FAM222B: variants seen among roughly 807,000 people sequenced by gnomAD.
The protein encoded by FAM222B is family with sequence similarity 222 member B, also known as protein FAM222B.
FAM222B carries 12 observed loss-of-function variants against 38.0 expected under a neutral mutation model. The ratio of observed to expected loss-of-function variants is 0.32; its 90% confidence interval spans 0.20 to 0.51. The LOEUF is 0.51. Ranked by LOEUF, FAM222B falls within the 20% of genes least tolerant of loss-of-function variation. FAM222B has a pLI of 0.97. For missense variants in FAM222B, 716 were observed against 754.2 expected (o/e 0.95, Z 0.59); for synonymous variants, 329 against 317.2 (o/e 1.04, Z -0.40).
intron 1 of FAM222B, among the ~76,000 whole-genome samples, chr17:28,782,090 T>G (rs954984887): frequency 1.3e-5 from 2 of 152,078 alleles, no homozygotes; most frequent in African/African-American, 4.8e-5. Flanking sequence ...CTTGGGAGCC[T>G]GAGATGGTAG....
chr17:28,842,402 G>T (rs1468250051), intron 1 of FAM222B, among the ~76,000 whole-genome samples: 1 of 152,026 alleles, frequency 6.6e-6, no homozygotes, highest in East Asian at 1.9e-4. Flanking sequence ...TGAAAGAAGC[G>T]GAAAGGAGAG....
chr17:28,840,320 T>G (rs1312305020), intron 1 of FAM222B, among the ~76,000 whole-genome samples: 1 of 151,946 alleles, frequency 6.6e-6, no homozygotes. Flanking sequence ...GAGCCGAGAT[T>G]GCGCTACTGC....
intron 1 of FAM222B, among the ~76,000 whole-genome samples, chr17:28,791,383 G>GTATC (rs1447674090): frequency 6.6e-6 from 1 of 151,984 alleles, no homozygotes; most frequent in Non-Finnish European, 1.5e-5. Flanking sequence ...TAGGTTTCCT[G>GTATC]TATCTTTCTG....
At chr17:28,775,893 C>A (rs980517957) in intron 1 of FAM222B, among the ~76,000 whole-genome samples, 10 of 143,082 alleles carry the variant, frequency 7.0e-5, no homozygotes, top group Non-Finnish European at 1.1e-4. Flanking sequence ...AAAAAAAAAA[C>A]AAAAACAAAA....
At chr17:28,819,320 T>C (rs1030950406) in intron 1 of FAM222B, among the ~76,000 whole-genome samples, 1 of 152,024 alleles carries the variant, frequency 6.6e-6, no homozygotes, top group African/African-American at 2.4e-5. Flanking sequence ...TATAACTAAA[T>C]AAGAGGAAGA....
Position 28,759,949 on chromosome 17 carries a change from C to T in FAM222B, c.83-73G>A. The stretch of plus-strand genomic sequence containing the variant: ...TCAGTGCCAAGGCAAACAGCCCTTC[C>T]AGATTCCCCTTTTGAGGGCCTGGGG... On this transcript the variant is annotated intron_variant, in intron 2 of 2. Coordinates refer to ENST00000581407, the MANE Select transcript of FAM222B (RefSeq NM_001077498.3). The surrounding 1 kb of genome is among the most constrained non-coding windows in gnomAD (Gnocchi z 4.8). 7.1e-7 allele frequency: 1 copy of T among 1,403,148 alleles called. No homozygotes were observed. The highest frequency in any genetic ancestry group is 1.5e-5 in the African/African-American group (1 of 68,836). 86.9% of individuals were successfully genotyped at this position (1,403,148 alleles called of 1,614,324 possible).
At chr17:28,850,218 A>T (rs1478924363) in intron 1 of FAM222B, among the ~76,000 whole-genome samples, 3 of 151,922 alleles carry the variant, frequency 2.0e-5, no homozygotes, top group Non-Finnish European at 4.4e-5. Context: ...AGGGATTGCG[A>T]TTTGAATTTC....
chr17:28,848,050 G>T (rs187106661), intron 1 of FAM222B, among the ~76,000 whole-genome samples: 31 of 152,290 alleles, frequency 2.0e-4, no homozygotes, highest in African/African-American at 6.3e-4. Context: ...TGAGGTGGGT[G>T]ACTTGAACCC....
intron 1 of FAM222B, among the ~76,000 whole-genome samples, chr17:28,850,855 T>G (rs1211835594): frequency 1.3e-5 from 2 of 152,118 alleles, no homozygotes; most frequent in African/African-American, 4.8e-5. Flanking sequence ...GCATGGCAGC[T>G]CACACCTGTA....
chr17:28,839,132 G>A (rs1005178325), intron 1 of FAM222B, among the ~76,000 whole-genome samples: 2 of 151,592 alleles, frequency 1.3e-5, no homozygotes, highest in Non-Finnish European at 2.9e-5. Flanking sequence ...GCGAGAACCC[G>A]GGAGGCGGAG....
At chr17:28,844,288 A>T (rs950734986), upstream of FAM222B, among the ~76,000 whole-genome samples, 3 of 152,170 alleles carry the variant, frequency 2.0e-5, no homozygotes, top group African/African-American at 7.2e-5. Flanking sequence ...GTTTGGACAC[A>T]TAAGGCCCAA....
chr17:28,791,881 T>C (rs1256403865), intron 1 of FAM222B, among the ~76,000 whole-genome samples: 3 of 150,904 alleles, frequency 2.0e-5, no homozygotes, highest in Admixed American at 2.0e-4. Context: ...GCTAGTCTCC[T>C]ACTCCTGACC....
chr17:28,764,271 C>CAAAAAAAA (rs35314377), intron 2 of FAM222B, among the ~76,000 whole-genome samples: 1 of 43,844 alleles, frequency 2.3e-5, no homozygotes, highest in Non-Finnish European at 4.7e-5. Context: ...GACTCCATCT[C>CAAAAAAAA]AAAAAAAAAA....
chr17:28,807,045 C>T (rs1293358276), intron 1 of FAM222B, among the ~76,000 whole-genome samples: 3 of 149,334 alleles, frequency 2.0e-5, no homozygotes, highest in South Asian at 4.2e-4. Flanking sequence ...GATGGAATTT[C>T]GTTCCTGTTG....
chr17:28,766,727 G>T lies in FAM222B; in HGVS notation c.-40-20C>A. Reference sequence around the variant, plus strand: ...CTCACACTGTAATGAACAAAAACAAGGTCATGAAACACAAGGCAACTCATT... The same window carrying T: ...CTCACACTGTAATGAACAAAAACAATGTCATGAAACACAAGGCAACTCATT... On this transcript the variant is annotated intron_variant, in intron 1 of 2. Transcript: ENST00000581407. 1 of 1,384,370 alleles carries T rather than the reference G, an allele frequency of 7.2e-7. No individual in the cohort carries two copies. Among genetic ancestry groups the T allele is most frequent in the Non-Finnish European group, 1.0e-6 (1 of 992,864 alleles). The allele number at this position is 1,384,370 out of a possible 1,614,324, so 85.8% of individuals were successfully genotyped here.
chr17:28,839,396 TA>T (rs1300262636), intron 1 of FAM222B, among the ~76,000 whole-genome samples: 3 of 152,098 alleles, frequency 2.0e-5, no homozygotes, highest in Non-Finnish European at 4.4e-5. Flanking sequence ...CCTCATTTTG[TA>T]AGGTCATTTA....
At position 28,758,100 on chromosome 17, in the gene FAM222B, G is replaced by A; in HGVS notation, c.*170C>T. On this transcript the variant is annotated 3_prime_UTR_variant, in exon 3 of 3. Coordinates refer to ENST00000581407, the MANE Select transcript of FAM222B (RefSeq NM_001077498.3). Reference sequence around the variant, plus strand: ...AAAACCAAAAGTTGCTGGAGGGGAGGACGAGAGGACCCCTTCTGTCCCCAC... The same window carrying A: ...AAAACCAAAAGTTGCTGGAGGGGAGAACGAGAGGACCCCTTCTGTCCCCAC... 1 of 584,820 alleles carries A rather than the reference G, an allele frequency of 1.7e-6. No homozygotes were observed. The highest frequency in any genetic ancestry group is 2.8e-6 in the Non-Finnish European group (1 of 351,016). The allele number at this position is 584,820 out of a possible 1,614,324, so 36.2% of individuals were successfully genotyped here. A position where few individuals can be genotyped will look rare whatever the true frequency, so the allele number is the denominator to read the frequency against.
At chr17:28,781,076 G>A (rs1439879509) in intron 1 of FAM222B, among the ~76,000 whole-genome samples, 4 of 152,090 alleles carry the variant, frequency 2.6e-5, no homozygotes, top group Non-Finnish European at 5.9e-5. Flanking sequence ...ACATACAAAT[G>A]GCCAATAGGT....
At chr17:28,847,807 C>T (rs2039155489) in intron 1 of FAM222B, among the ~76,000 whole-genome samples, 1 of 151,116 alleles carries the variant, frequency 6.6e-6, no homozygotes, top group Admixed American at 6.6e-5. Flanking sequence ...CCAGCTACTC[C>T]GGAGGCTGAG....
Sources: gnomAD v4.1 joint callset for allele counts (sites outside exome capture counted in the v4.1 genomes callset) on GRCh38, gnomAD v4.1.1 for gene constraint, Gnocchi (gnomAD v3.1) non-coding constraint, MANE v1.5 for transcripts, NCBI Gene and HGNC (gene_info 2026-07-23, HGNC 2026-07-21) for gene names.